The following DNAH2 variants were observed in gnomAD, a reference collection of about 807,000 sequenced individuals.
The protein encoded by DNAH2 is axonemal beta dynein heavy chain 2.
DNAH2 carries 323 observed loss-of-function variants against 523.5 expected under a neutral mutation model. That is an observed-to-expected ratio of 0.62 (90% CI 0.56 to 0.68). The LOEUF is 0.68. Ranked by LOEUF, DNAH2 falls within the 30% of genes least tolerant of loss-of-function variation. DNAH2 has a pLI of 0.00. For synonymous variants in DNAH2, 2,093 were observed against 2,177.4 expected (o/e 0.96, Z 1.08); for missense variants, 4,907 against 5,701.5 (o/e 0.86, Z 4.49).
intron 8 of DNAH2, chr17:7,739,129 G>A: frequency 1.6e-6 from 1 of 606,702 alleles, no homozygotes; most frequent in Non-Finnish European, 3.0e-6. Context: ...CTTATGGCCA[G>A]GCGCGGTGGC....
intron 15 of DNAH2, 82 bp downstream of exon 15, chr17:7,759,206 C>A (rs1157503991): frequency 6.4e-6 from 10 of 1,574,626 alleles, no homozygotes; most frequent in Non-Finnish European, 8.6e-6. Flanking sequence ...TGCTCCCCGA[C>A]CCTTTTTTCT....
chr17:7,830,890 C>G (rs781513777), intron 79 of DNAH2, 48 bp downstream of exon 79: 1 of 1,607,910 alleles, frequency 6.2e-7, no homozygotes, highest in Admixed American at 1.7e-5. Flanking sequence ...CACAAGTCAG[C>G]CAGGTGGTGG....
In DNAH2 at chr17:7,818,337, C is replaced by A; in HGVS notation, c.10413C>A (p.Gly3471=). 1 of 1,614,112 alleles carries A rather than the reference C, an allele frequency of 6.2e-7. No individual in the cohort carries two copies. The highest frequency in any genetic ancestry group is 8.5e-7 in the Non-Finnish European group (1 of 1,180,032). The change falls in exon 69 of 86, where the codon GGC becomes GGA. Residue 3471 remains glycine, a synonymous_variant. Transcript: ENST00000572933. ...RIGGRLLMRI[G]DKEVEYNTNF... ...GTGGTCGGCTGTTGATGCGCATTGG[C>A]GATAAGGAGGTGGAATATAATACCA...
Position 7,764,003 on chromosome 17 carries a change from C to A in DNAH2, c.3151C>A (p.His1051Asn), listed in dbSNP as rs1470817892. The A allele has an allele frequency of 6.2e-7, 1 of 1,614,208 alleles. No individual in the cohort carries two copies. Among genetic ancestry groups the A allele is most frequent in the Admixed American group, 1.7e-5 (1 of 60,024 alleles). ...GGCTGCTGGGCGCCTCCTGGAGCTG[C>A]ACACCTACCTGAAGGAGAACGCAGA... ...EMAAGRLLEL[H>N]TYLKENAEKI... Residue 1051 changes from histidine (H) to asparagine (N), a missense_variant, in exon 19 of 86, where the codon CAC (histidine) becomes AAC (asparagine). This residue lies in a region of DNAH2 where 2,806 missense variants were observed against 3,190.8 expected (regional missense o/e 0.88). Coordinates refer to ENST00000572933, the MANE Select transcript of DNAH2 (RefSeq NM_020877.5).
chr17:7,824,202 C>G lies in DNAH2; in HGVS notation c.11560C>G (p.Leu3854Val). 1 of 1,606,850 alleles carries G rather than the reference C, an allele frequency of 6.2e-7. No individual in the cohort carries two copies. Among genetic ancestry groups the G allele is most frequent in the Non-Finnish European group, 8.5e-7 (1 of 1,178,168 alleles). ...GGACCCCACCAGTGCCCTGCTGCAGCTGGCAGAGCACATGGGCATGGCCCA... is the reference window on the plus strand; with the variant it reads ...GGACCCCACCAGTGCCCTGCTGCAGGTGGCAGAGCACATGGGCATGGCCCA... ...GVDPTSALLQLAEHMGMAQRF... is the reference protein window; with the variant it reads ...GVDPTSALLQVAEHMGMAQRF... The change falls in exon 76 of 86, where the codon CTG becomes GTG. Residue 3854 changes from leucine (L) to valine (V), a missense_variant. Coordinates refer to ENST00000572933, the MANE Select transcript of DNAH2 (RefSeq NM_020877.5).
intron 20 of DNAH2, 119 bp downstream of exon 20, chr17:7,764,392 G>GGCTTTC: frequency 7.9e-7 from 1 of 1,272,424 alleles, no homozygotes; most frequent in Non-Finnish European, 1.1e-6. Context: ...CTCTAGATTT[G>GGCTTTC]AAAGCCAAAG....
Position 7,824,645 on chromosome 17 carries a change from T to A in DNAH2, c.11771T>A (p.Leu3924His). The change falls in exon 77 of 86, where the codon CTC becomes CAC. Residue 3924 changes from leucine to histidine, a missense_variant. By Grantham distance (99) the Leu-to-His change is moderately conservative. Around this residue, in one of 3 missense-constraint regions of DNAH2, gnomAD observed 1,851 missense variants for 2,139.4 expected, o/e 0.87. Transcript: ENST00000572933. Reference protein sequence around the residue: ...QVEDPHPSFRLWLSSIPHPDF... With the variant: ...QVEDPHPSFRHWLSSIPHPDF... ...GAGGATCCTCATCCATCCTTCCGCCTCTGGCTCAGCTCCATCCCCCACCCA... is the reference window on the plus strand; with the variant it reads ...GAGGATCCTCATCCATCCTTCCGCCACTGGCTCAGCTCCATCCCCCACCCA... 1 of 1,609,428 alleles carries A rather than the reference T, an allele frequency of 6.2e-7. No homozygotes were observed. Among genetic ancestry groups the A allele is most frequent in the South Asian group, 1.1e-5 (1 of 90,626 alleles).
At chr17:7,793,882 T>C (rs12942745) in intron 48 of DNAH2, among the ~76,000 whole-genome samples, 128,885 of 151,748 alleles carry the variant, frequency 0.85, 56,152 homozygotes, top group Non-Finnish European at 0.94. Context: ...AGAGAGAACA[T>C]ACACACACAC....
At chr17:7,776,633 G>A in intron 31 of DNAH2, 146 bp from the exon 32 acceptor site, 1 of 604,030 alleles carries the variant, frequency 1.7e-6, no homozygotes, top group Admixed American at 2.5e-5. Flanking sequence ...CTTAGCTCCT[G>A]ACCTGAGGCC....
intron 49 of DNAH2, among the ~76,000 whole-genome samples, chr17:7,795,670 T>TTATA (rs138758219): frequency 1.3e-4 from 19 of 145,282 alleles, no homozygotes; most frequent in South Asian, 4.3e-4. Flanking sequence ...TATATAATAT[T>TTATA]TATATATATA....
chr17:7,768,948 T>C (rs1452099356), intron 24 of DNAH2, among the ~76,000 whole-genome samples: 2 of 152,214 alleles, frequency 1.3e-5, no homozygotes, highest in Non-Finnish European at 2.9e-5. Flanking sequence ...CATTCATCGC[T>C]TGATGGACAC....
chr17:7,738,122 T>G, intron 8 of DNAH2: 1 of 703,424 alleles, frequency 1.4e-6, no homozygotes, highest in Non-Finnish European at 2.6e-6. Context: ...GCACATCCAG[T>G]ATGATACGCC....
chr17:7,787,078 C>T (rs767324559), intron 42 of DNAH2, 45 bp downstream of exon 42: 9 of 1,606,840 alleles, frequency 5.6e-6, no homozygotes, highest in East Asian at 4.5e-5. Context: ...AGGCAGGCAC[C>T]GGAGGGCGTG....
chr17:7,811,459 T>C (rs1199989251), intron 63 of DNAH2, among the ~76,000 whole-genome samples: 1 of 152,212 alleles, frequency 6.6e-6, no homozygotes, highest in East Asian at 1.9e-4. Context: ...CCTGTTCTGC[T>C]CCATCTCAGC....
In DNAH2 at chr17:7,823,558, C is replaced by A. The variant is rs1488770313; in HGVS notation, c.11259C>A (p.Ser3753=). ...CCAACTTCCACGGACTCATGAACTC[C>A]TTTGAGCAGTACCCTCGTGACTGGC... ...KLTNFHGLMN[S]FEQYPRDWHL... The change falls in exon 74 of 86, where the codon TCC becomes TCA. Residue 3753 remains serine, a synonymous_variant. Transcript: ENST00000572933. The A allele has an allele frequency of 9.3e-6, 15 of 1,614,080 alleles. No individual in the cohort carries two copies. Among genetic ancestry groups the A allele is most frequent in the Non-Finnish European group, 1.3e-5 (15 of 1,180,038 alleles).
At chr17:7,830,026 C>CAAAAAAA (rs546222498) in intron 77 of DNAH2, among the ~76,000 whole-genome samples, 2 of 55,250 alleles carry the variant, frequency 3.6e-5, no homozygotes, top group Admixed American at 3.8e-4. Context: ...AACTCCGTCT[C>CAAAAAAA]AAAAAAAAAA....
At chr17:7,741,171 A>C (rs1394986638) in intron 11 of DNAH2, among the ~76,000 whole-genome samples, 179 bp downstream of exon 11, 1 of 152,026 alleles carries the variant, frequency 6.6e-6, no homozygotes, top group Non-Finnish European at 1.5e-5. Flanking sequence ...GTGGTGTGTG[A>C]GGCTGGTAGA....
Position 7,786,354 on chromosome 17 carries a change from G to A in DNAH2, c.6348+12G>A. 1 of 1,608,084 alleles carries A rather than the reference G, an allele frequency of 6.2e-7. No homozygotes were observed. The highest frequency in any genetic ancestry group is 8.5e-7 in the Non-Finnish European group (1 of 1,178,850). On this transcript the variant is annotated intron_variant, in intron 40 of 85. Coordinates refer to ENST00000572933, the MANE Select transcript of DNAH2 (RefSeq NM_020877.5). The surrounding 1 kb of genome is among the most constrained non-coding windows in gnomAD (Gnocchi z 7.5). ...TCAACATTGTTAGAGTACGGGGCTGGGACAGTGGAGTCAGTGGGCAGAGAC... is the reference window on the plus strand; with the variant it reads ...TCAACATTGTTAGAGTACGGGGCTGAGACAGTGGAGTCAGTGGGCAGAGAC...
At chr17:7,741,112 G>A (rs2075302205) in intron 11 of DNAH2, 120 bp downstream of exon 11, 6 of 1,297,638 alleles carry the variant, frequency 4.6e-6, no homozygotes, top group Non-Finnish European at 5.2e-6. Flanking sequence ...GGTGAGGGGA[G>A]TGGCAGGTCC....
Sources: allele counts gnomAD v4.1 joint callset (sites outside exome capture counted in the v4.1 genomes callset), GRCh38; gene constraint gnomAD v4.1.1; regional missense constraint gnomAD v4.1.1; non-coding constraint Gnocchi (gnomAD v3.1); transcripts MANE v1.5; gene names NCBI Gene and HGNC (gene_info 2026-07-23, HGNC 2026-07-21).